The following FARS2 variants were observed in gnomAD, a reference collection of about 807,000 sequenced individuals.
The protein encoded by FARS2 is phenylalanyl-tRNA synthetase 2, mitochondrial.
In FARS2, 40 loss-of-function variants were observed where a neutral mutation model predicts 46.4. The observed-to-expected ratio is 0.86, with a 90% confidence interval of 0.67 to 1.12. The LOEUF (loss-of-function observed/expected upper bound fraction) is 1.12, where lower values mean the gene tolerates loss of function less well. Ranked by LOEUF, FARS2 falls within the 50% of genes most tolerant of loss-of-function variation. The pLI is 0.00. For missense variants in FARS2, 513 were observed against 567.9 expected (o/e 0.90, Z 0.98); for synonymous variants, 234 against 214.9 (o/e 1.09, Z -0.78).
chr6:5,373,209 G>A (rs1317833247), intron 2 of FARS2, among the ~76,000 whole-genome samples: 1 of 152,108 alleles, frequency 6.6e-6, no homozygotes, highest in Non-Finnish European at 1.5e-5. Context: ...TCAAATTTAC[G>A]GGAGAGACTT....
intron 1 of FARS2, among the ~76,000 whole-genome samples, chr6:5,310,540 G>T (rs1241119802): frequency 6.6e-6 from 1 of 151,966 alleles, no homozygotes; most frequent in Non-Finnish European, 1.5e-5. Context: ...TAATGAAAAA[G>T]CTCCATCAGT....
At chr6:5,734,241 G>C (rs1231950740) in intron 6 of FARS2, among the ~76,000 whole-genome samples, 3 of 152,180 alleles carry the variant, frequency 2.0e-5, no homozygotes, top group African/African-American at 7.2e-5. Flanking sequence ...CCGCAGACCA[G>C]CACTGGGGGT....
chr6:5,311,950 G>T lies in FARS2; in HGVS notation c.-22+50290G>T, dbSNP rs913258927. 1.3e-5 allele frequency among the ~76,000 whole-genome samples: 2 copies of T among 152,152 alleles called. No individual in the cohort carries two copies. The highest frequency in any genetic ancestry group is 4.8e-5 in the African/African-American group (2 of 41,434). On this transcript the variant is annotated intron_variant, in intron 1 of 6. Coordinates refer to ENST00000274680, the MANE Select transcript of FARS2 (RefSeq NM_006567.5). The surrounding 1 kb of genome is among the most constrained non-coding windows in gnomAD (Gnocchi z 4.1). ...GGTTTGTCTGGGGGAGTGTAAGTTA[G>T]TTTAAATAACTTTCCGTGCATCGTA...
chr6:5,613,199 G>C lies in FARS2; in HGVS notation c.1096G>C (p.Asp366His). Residue 366 changes from aspartate to histidine, a missense_variant, in exon 6 of 7, where the codon GAT becomes CAT. Physicochemically the swap from Asp to His is moderately conservative, Grantham distance 81. Coordinates refer to ENST00000274680, the MANE Select transcript of FARS2 (RefSeq NM_006567.5). ...PLSKYPAVIN[D>H]ISFWLPSENY... is the part of the protein sequence containing the mutation. ...TAGCAAATATCCGGCTGTGATCAAT[G>C]ATATTTCATTCTGGTTGCCCTCTGA... The C allele has an allele frequency of 6.2e-7, 1 of 1,613,288 alleles. No individual in the cohort carries two copies. Among genetic ancestry groups the C allele is most frequent in the Non-Finnish European group, 8.5e-7 (1 of 1,179,634 alleles).
intron 4 of FARS2, 37 bp downstream of exon 4, chr6:5,431,209 T>C (rs1024060684): frequency 4.4e-6 from 7 of 1,608,444 alleles, no homozygotes; most frequent in Non-Finnish European, 6.0e-6. Context: ...ACACGTGCTC[T>C]AAAGGAACCC....
At chr6:5,703,333 C>T (rs11969845) in intron 6 of FARS2, among the ~76,000 whole-genome samples, 2,206 of 152,020 alleles carry the variant, frequency 0.015, 50 homozygotes, top group African/African-American at 0.05. Flanking sequence ...GCCCAGCCCA[C>T]CTGTTGCTTA....
chr6:5,278,676 A>G (rs1766506761), intron 1 of FARS2, among the ~76,000 whole-genome samples: 1 of 152,192 alleles, frequency 6.6e-6, no homozygotes, highest in African/African-American at 2.4e-5. Context: ...TTAGGCTAAA[A>G]AAGAAACCCA....
intron 6 of FARS2, among the ~76,000 whole-genome samples, chr6:5,624,649 G>C (rs1775940831): frequency 6.6e-6 from 1 of 152,164 alleles, no homozygotes; most frequent in African/African-American, 2.4e-5. Context: ...TTTGTAGTGT[G>C]GCGATGGAAT....
chr6:5,718,467 C>T (rs940128319), intron 6 of FARS2, among the ~76,000 whole-genome samples: 11 of 152,284 alleles, frequency 7.2e-5, no homozygotes, highest in Middle Eastern at 3.4e-3. Context: ...GGCATTTTTG[C>T]TGATAGCTTT....
chr6:5,329,733 A>T (rs141743612), intron 1 of FARS2, among the ~76,000 whole-genome samples: 118 of 152,328 alleles, frequency 7.7e-4, no homozygotes, highest in African/African-American at 2.6e-3. Flanking sequence ...ACAGTTTATT[A>T]TAAAGGATAC....
intron 4 of FARS2, among the ~76,000 whole-genome samples, chr6:5,496,802 C>G (rs1767494589): frequency 6.6e-6 from 1 of 152,146 alleles, no homozygotes; most frequent in South Asian, 2.1e-4. Context: ...GGGGTTAGGA[C>G]TTTCATATAT....
chr6:5,563,058 GA>G (rs1772101450), intron 5 of FARS2, among the ~76,000 whole-genome samples: 1 of 151,086 alleles, frequency 6.6e-6, no homozygotes, highest in African/African-American at 2.4e-5. Flanking sequence ...AGGAAAGAAG[GA>G]AGAAGCTCCC....
intron 4 of FARS2, among the ~76,000 whole-genome samples, chr6:5,462,843 T>G (rs1765317631): frequency 6.6e-6 from 1 of 152,266 alleles, no homozygotes; most frequent in African/African-American, 2.4e-5. Flanking sequence ...AAATGTCTGT[T>G]GGAATTTTGA....
chr6:5,366,834 ATAACC>A (rs1758713739), intron 1 of FARS2, among the ~76,000 whole-genome samples: 1 of 152,328 alleles, frequency 6.6e-6, no homozygotes, highest in African/African-American at 2.4e-5. Context: ...TAGGTAGCTA[ATAACC>A]TAACAGTTTG....
At chr6:5,560,427 C>A (rs1463204333) in intron 5 of FARS2, among the ~76,000 whole-genome samples, 1 of 151,988 alleles carries the variant, frequency 6.6e-6, no homozygotes, top group Non-Finnish European at 1.5e-5. Flanking sequence ...AATTTGACTG[C>A]AAAATATTAC....
intron 6 of FARS2, among the ~76,000 whole-genome samples, chr6:5,649,854 C>T (rs1777258926): frequency 6.6e-6 from 1 of 152,168 alleles, no homozygotes; most frequent in East Asian, 1.9e-4. Context: ...TAGGGTTGCT[C>T]ATGAGTTGAA....
chr6:5,418,807 G>A (rs371159542), intron 3 of FARS2, among the ~76,000 whole-genome samples: 89 of 152,226 alleles, frequency 5.8e-4, no homozygotes, highest in African/African-American at 2.1e-3. Flanking sequence ...CACCCCTCTG[G>A]GGGGTCTGTG....
At chr6:5,563,093 G>C (rs961565079) in intron 5 of FARS2, among the ~76,000 whole-genome samples, 2 of 152,006 alleles carry the variant, frequency 1.3e-5, no homozygotes, top group Admixed American at 1.3e-4. Flanking sequence ...GAGGGAGGGG[G>C]GCTCCAAAGC....
intron 1 of FARS2, among the ~76,000 whole-genome samples, chr6:5,358,128 A>G (rs73718074): frequency 1.4e-3 from 206 of 152,320 alleles, no homozygotes; most frequent in African/African-American, 4.6e-3. Flanking sequence ...TTTCTTCTGT[A>G]GCACAGTAAT....
Sources: gnomAD v4.1 joint callset for allele counts (sites outside exome capture counted in the v4.1 genomes callset) on GRCh38, gnomAD v4.1.1 for gene constraint, Gnocchi (gnomAD v3.1) non-coding constraint, MANE v1.5 for transcripts, NCBI Gene and HGNC (gene_info 2026-07-23, HGNC 2026-07-21) for gene names.